The following KCNQ1 variants were observed in gnomAD, a reference collection of about 807,000 sequenced individuals.
KCNQ1 encodes the protein potassium voltage-gated channel subfamily KQT member 1.
A neutral mutation model predicts 72.4 loss-of-function variants in KCNQ1; 49 were observed. The ratio of observed to expected loss-of-function variants is 0.68; its 90% CI spans 0.54 to 0.86. KCNQ1 has a LOEUF of 0.86. KCNQ1 is among the 40% of genes least tolerant of loss of function. The probability of loss-of-function intolerance (pLI) is 0.00; values close to 1 mark genes in which losing one functional copy is unlikely to be tolerated. For missense variants in KCNQ1, 790 were observed against 945.1 expected (o/e 0.84, Z 2.15); for synonymous variants, 450 against 412.6 (o/e 1.09, Z -1.10).
rs1446931078 is a variant in KCNQ1 at position 2,827,390 on chromosome 11, G to A, written c.1795-20377G>A. 8.5e-5 allele frequency among the ~76,000 whole-genome samples: 13 copies of A among 152,144 alleles called. No homozygotes were observed. The highest frequency in any genetic ancestry group is 3.8e-4 in the East Asian group (2 of 5,196). On this transcript the variant is annotated intron_variant, in intron 15 of 15. Coordinates refer to ENST00000155840, the MANE Select transcript of KCNQ1 (RefSeq NM_000218.3). The surrounding 1 kb of genome is among the most constrained non-coding windows in gnomAD (Gnocchi z 6.7). Reference sequence around the variant, plus strand: ...GTGCTTCTGTCCTATGGTCCCCAGCGGCTGCTCCTGCATTCACCATCACAT... The same window carrying A: ...GTGCTTCTGTCCTATGGTCCCCAGCAGCTGCTCCTGCATTCACCATCACAT...
At chr11:2,730,497 A>G (rs1368961076) in intron 11 of KCNQ1, among the ~76,000 whole-genome samples, 1 of 151,478 alleles carries the variant, frequency 6.6e-6, no homozygotes, top group East Asian at 1.9e-4. Flanking sequence ...GCTCTTCACA[A>G]CCTCCCTTCC....
chr11:2,510,855 ATCAC>A (rs538029603), intron 1 of KCNQ1, among the ~76,000 whole-genome samples: 14 of 152,226 alleles, frequency 9.2e-5, no homozygotes, highest in African/African-American at 2.9e-4. Flanking sequence ...CTCCCTGCCC[ATCAC>A]TCTGCTCCCC....
rs1229710117 is a variant in KCNQ1, at chr11:2,817,103, A to T, written c.1795-30664A>T. 6.6e-6 allele frequency among the ~76,000 whole-genome samples: 1 copy of T among 151,952 alleles called. No homozygotes were observed. Among genetic ancestry groups the T allele is most frequent in the Non-Finnish European group, 1.5e-5 (1 of 67,968 alleles). ...CCCTAGTCCACATGCCCGACCCATG[A>T]CCCAGGCCTGTGGCGCCAGCCTGCA... On this transcript the variant is annotated intron_variant, in intron 15 of 15. Coordinates refer to ENST00000155840, the MANE Select transcript of KCNQ1 (RefSeq NM_000218.3). This position sits in a 1 kb window ranked among gnomAD's most constrained non-coding sequence, Gnocchi z 6.1.
chr11:2,804,509 A>G (rs1449675343), intron 15 of KCNQ1, among the ~76,000 whole-genome samples: 3 of 152,238 alleles, frequency 2.0e-5, no homozygotes, highest in East Asian at 3.8e-4. Context: ...TGCTCCCCTC[A>G]GAGGGCTGGG....
At chr11:2,740,490 C>A (rs542435535) in intron 11 of KCNQ1, among the ~76,000 whole-genome samples, 3 of 152,142 alleles carry the variant, frequency 2.0e-5, no homozygotes, top group Non-Finnish European at 4.4e-5. Context: ...ACAGCGCACG[C>A]GGGCTTTGAA....
chr11:2,740,499 A>T (rs879672769), intron 11 of KCNQ1, among the ~76,000 whole-genome samples: 5 of 152,066 alleles, frequency 3.3e-5, no homozygotes, highest in African/African-American at 4.8e-5. Context: ...GCGGGCTTTG[A>T]AGTCCTTCCT....
chr11:2,664,521 G>A lies in KCNQ1; in HGVS notation c.1514+2440G>A, dbSNP rs1175327209. 2.5e-6 allele frequency: 1 copy of A among 398,762 alleles called. No individual in the cohort carries two copies. The highest frequency in any genetic ancestry group is 4.4e-6 in the Non-Finnish European group (1 of 226,162). The allele number at this position is 398,762 out of a possible 1,614,324, so 24.7% of individuals were successfully genotyped here. On this transcript the variant is annotated intron_variant, in intron 11 of 15. Coordinates refer to ENST00000155840, the MANE Select transcript of KCNQ1 (RefSeq NM_000218.3). This position sits in a 1 kb window ranked among gnomAD's most constrained non-coding sequence, Gnocchi z 5.1. ...CAGCAGTGGGCACCCTGTTTCCTCA[G>A]GGCCCAAACCGCCTGGCGGCAGGGG...
chr11:2,703,938 C>T lies in KCNQ1; in HGVS notation c.1514+41857C>T, dbSNP rs1850863439. Among the ~76,000 whole-genome samples the T allele has an allele frequency of 6.6e-6, 1 of 152,090 alleles. No individual in the cohort carries two copies. The highest frequency in any genetic ancestry group is 1.5e-5 in the Non-Finnish European group (1 of 68,014). ...TCCGCAGTCCATCTGAAGAAAGGCC[C>T]CACCCCACGCTGCTCTCAGGAGTGG... On this transcript the variant is annotated intron_variant, in intron 11 of 15. Coordinates refer to ENST00000155840, the MANE Select transcript of KCNQ1 (RefSeq NM_000218.3). This position sits in a 1 kb window ranked among gnomAD's most constrained non-coding sequence, Gnocchi z 6.4.
At chr11:2,456,361 C>A (rs1045090131) in intron 1 of KCNQ1, among the ~76,000 whole-genome samples, 1 of 151,750 alleles carries the variant, frequency 6.6e-6, no homozygotes, top group South Asian at 2.1e-4. Flanking sequence ...CTGAAAAAAT[C>A]CTGGAAGAAA....
At chr11:2,514,670 CAA>C in intron 1 of KCNQ1, among the ~76,000 whole-genome samples, 1 of 152,290 alleles carries the variant, frequency 6.6e-6, no homozygotes, top group Non-Finnish European at 1.5e-5. Flanking sequence ...ACTAAAAATA[CAA>C]AAAATTAGCC....
intron 1 of KCNQ1, among the ~76,000 whole-genome samples, chr11:2,505,560 G>A (rs1383730920): frequency 8.5e-5 from 13 of 152,174 alleles, no homozygotes; most frequent in Admixed American, 8.5e-4. Flanking sequence ...TATAGAGAAT[G>A]TGGTACTGAA....
chr11:2,779,256 C>A (rs1412606667), intron 15 of KCNQ1, among the ~76,000 whole-genome samples: 1 of 152,194 alleles, frequency 6.6e-6, no homozygotes, highest in Non-Finnish European at 1.5e-5. Context: ...GGCCCAGAAG[C>A]CTTGGCCTCT....
At chr11:2,525,801 C>G (rs1847492416) in intron 1 of KCNQ1, among the ~76,000 whole-genome samples, 1 of 152,028 alleles carries the variant, frequency 6.6e-6, no homozygotes, top group Non-Finnish European at 1.5e-5. Context: ...GATGAAGCAG[C>G]AGCATTGGGG....
At chr11:2,576,861 C>T (rs1186546200) in intron 6 of KCNQ1, among the ~76,000 whole-genome samples, 2 of 152,234 alleles carry the variant, frequency 1.3e-5, no homozygotes, top group Non-Finnish European at 1.5e-5. Context: ...ACCTGGCCAC[C>T]CACCGAGCCC....
Position 2,764,477 on chromosome 11 carries a change from C to T in KCNQ1, c.1515-4367C>T, listed in dbSNP as rs1189583792. Among the ~76,000 whole-genome samples, 1 of 152,024 alleles carries T rather than the reference C, an allele frequency of 6.6e-6. No homozygotes were observed. The highest frequency in any genetic ancestry group is 1.9e-4 in the East Asian group (1 of 5,190). On this transcript the variant is annotated intron_variant, in intron 11 of 15. Coordinates refer to ENST00000155840, the MANE Select transcript of KCNQ1 (RefSeq NM_000218.3). This position sits in a 1 kb window ranked among gnomAD's most constrained non-coding sequence, Gnocchi z 4.8. ...GTTAGGATATTTGCACGTATGTTCA[C>T]GAGAGAGATTAACCTGTGATTTTTT... is the stretch of plus-strand genomic sequence containing the variant.
intron 15 of KCNQ1, among the ~76,000 whole-genome samples, chr11:2,796,497 G>A (rs532376883): frequency 3.9e-5 from 6 of 152,108 alleles, no homozygotes; most frequent in Admixed American, 2.6e-4. Flanking sequence ...TCCCACTGCC[G>A]ACCCAGGCCT....
At chr11:2,684,663 G>C in intron 11 of KCNQ1, 2 of 398,632 alleles carry the variant, frequency 5.0e-6, no homozygotes, top group Non-Finnish European at 8.8e-6. Context: ...AAGGCTTGTT[G>C]GATGTGCAGG....
chr11:2,558,735 C>T (rs955279800), intron 2 of KCNQ1, among the ~76,000 whole-genome samples: 2 of 152,190 alleles, frequency 1.3e-5, no homozygotes, highest in Admixed American at 6.5e-5. Flanking sequence ...CCCCGTAAGG[C>T]ACCGGCAGTA....
chr11:2,503,987 A>G (rs1847060212), intron 1 of KCNQ1, among the ~76,000 whole-genome samples: 1 of 152,250 alleles, frequency 6.6e-6, no homozygotes, highest in Admixed American at 6.5e-5. Context: ...TTATATATCC[A>G]GAAGAAAGAA....
Sources: allele counts gnomAD v4.1 joint callset (sites outside exome capture counted in the v4.1 genomes callset), GRCh38; gene constraint gnomAD v4.1.1; non-coding constraint Gnocchi (gnomAD v3.1); transcripts MANE v1.5; gene names NCBI Gene and HGNC (gene_info 2026-07-23, HGNC 2026-07-21).